MACROD2: variants seen among roughly 807,000 people sequenced by gnomAD.
MACROD2 encodes mono-ADP ribosylhydrolase 2.
A neutral mutation model predicts 70.4 loss-of-function variants in MACROD2; 36 were observed. The observed-to-expected ratio is 0.51, with a 90% CI of 0.39 to 0.68. The LOEUF is 0.68. Ranked by LOEUF, MACROD2 falls within the 30% of genes least tolerant of loss-of-function variation. The probability of loss-of-function intolerance (pLI) is 0.00; values close to 1 mark genes in which losing one functional copy is unlikely to be tolerated. For synonymous variants in MACROD2, 172 were observed against 178.8 expected (o/e 0.96, Z 0.30); for missense variants, 496 against 538.4 (o/e 0.92, Z 0.78).
intron 8 of MACROD2, among the ~76,000 whole-genome samples, chr20:15,532,345 TG>T (rs980478531): frequency 1.6e-4 from 25 of 152,164 alleles, no homozygotes; most frequent in African/African-American, 5.3e-4. Flanking sequence ...CCTAGCAGAA[TG>T]TGATATGTTA....
rs150954535 is a variant in MACROD2 at position 14,840,981 on chromosome 20, G to A, written c.418+156022G>A. On this transcript the variant is annotated intron_variant, in intron 5 of 17. Coordinates refer to ENST00000684519, the MANE Select transcript of MACROD2 (RefSeq NM_001351661.2). Reference sequence around the variant, plus strand: ...TTTTACTGTATGACGTGAAACGAGTGTTATTATTTCAAAAAATGTATTTGT... The same window carrying A: ...TTTTACTGTATGACGTGAAACGAGTATTATTATTTCAAAAAATGTATTTGT... Among the ~76,000 whole-genome samples, 87 of 152,192 alleles carry A rather than the reference G, an allele frequency of 5.7e-4. 2 individuals carry two copies. In the East Asian group the frequency reaches 0.014, roughly 25 times the overall value.
intron 6 of MACROD2, among the ~76,000 whole-genome samples, chr20:15,319,902 T>G (rs1164316063): frequency 6.6e-6 from 1 of 152,198 alleles, no homozygotes; most frequent in East Asian, 1.9e-4. Flanking sequence ...ATATCTAGAA[T>G]TGGTAAATCC....
At chr20:16,030,313 T>C (rs142958226) in intron 15 of MACROD2, among the ~76,000 whole-genome samples, 1 of 152,250 alleles carries the variant, frequency 6.6e-6, no homozygotes, top group East Asian at 1.9e-4. Flanking sequence ...TGTGGCTGCT[T>C]TACCCCTCCC....
chr20:14,880,371 C>A (rs1032241939), intron 5 of MACROD2, among the ~76,000 whole-genome samples: 7 of 152,200 alleles, frequency 4.6e-5, no homozygotes, highest in African/African-American at 1.7e-4. Flanking sequence ...TTCTCAACTT[C>A]CATGGAGGCA....
At chr20:15,666,429 G>A (rs570294232) in intron 8 of MACROD2, among the ~76,000 whole-genome samples, 178 of 152,168 alleles carry the variant, frequency 1.2e-3, no homozygotes, top group African/African-American at 4.0e-3. Flanking sequence ...TTATTGTCAG[G>A]ATACTTTTCT....
chr20:14,824,356 A>G (rs963477137), intron 5 of MACROD2, among the ~76,000 whole-genome samples: 1 of 152,070 alleles, frequency 6.6e-6, no homozygotes, highest in Non-Finnish European at 1.5e-5. Context: ...GTCTGTTGCT[A>G]AAAAATCATC....
At chr20:15,587,663 G>A (rs1330172592) in intron 8 of MACROD2, among the ~76,000 whole-genome samples, 1 of 152,124 alleles carries the variant, frequency 6.6e-6, no homozygotes, top group Non-Finnish European at 1.5e-5. Flanking sequence ...AAATAAAGGG[G>A]ATACAGGGCC....
chr20:14,327,137 G>A, intron 3 of MACROD2: 1 of 1,613,772 alleles, frequency 6.2e-7, no homozygotes, highest in Non-Finnish European at 8.5e-7. Flanking sequence ...ATTTTTGAAA[G>A]TGAATCATAA....
At chr20:15,634,712 A>G (rs959158551) in intron 8 of MACROD2, among the ~76,000 whole-genome samples, 10 of 152,184 alleles carry the variant, frequency 6.6e-5, no homozygotes, top group African/African-American at 2.4e-4. Flanking sequence ...TGTGTCGGAT[A>G]TTGTCAGTTA....
At chr20:15,752,307 T>C (rs1168696950) in intron 8 of MACROD2, among the ~76,000 whole-genome samples, 3 of 152,170 alleles carry the variant, frequency 2.0e-5, no homozygotes, top group African/African-American at 7.2e-5. Flanking sequence ...TTATTATTAT[T>C]ATTATTATTT....
intron 6 of MACROD2, among the ~76,000 whole-genome samples, chr20:15,376,565 C>T (rs1349654784): frequency 6.6e-6 from 1 of 152,106 alleles, no homozygotes; most frequent in Non-Finnish European, 1.5e-5. Flanking sequence ...AGTCTTATTC[C>T]ATATTATTAC....
At chr20:14,444,314 T>A (rs2084159675) in intron 3 of MACROD2, among the ~76,000 whole-genome samples, 2 of 152,150 alleles carry the variant, frequency 1.3e-5, no homozygotes, top group African/African-American at 4.8e-5. Flanking sequence ...TGGTTACTTC[T>A]GAGTCCTCAT....
At chr20:14,140,820 C>T (rs1000683594) in intron 3 of MACROD2, among the ~76,000 whole-genome samples, 3 of 152,016 alleles carry the variant, frequency 2.0e-5, no homozygotes, top group Non-Finnish European at 2.9e-5. Context: ...TGGTATCGGC[C>T]GAGAGAGAGG....
chr20:15,051,993 C>T (rs765799697), intron 5 of MACROD2, among the ~76,000 whole-genome samples: 2 of 152,076 alleles, frequency 1.3e-5, no homozygotes, highest in African/African-American at 2.4e-5. Flanking sequence ...CCTTGTGATC[C>T]GCCCGTCCCG....
intron 5 of MACROD2, among the ~76,000 whole-genome samples, chr20:14,967,206 G>GTTTT (rs1815981890): frequency 6.6e-6 from 1 of 152,020 alleles, no homozygotes; most frequent in Admixed American, 6.6e-5. Context: ...TTGTTTGTTT[G>GTTTT]TTTTGAGACG....
intron 6 of MACROD2, among the ~76,000 whole-genome samples, chr20:15,354,855 T>A (rs1361122204): frequency 6.6e-6 from 1 of 152,188 alleles, no homozygotes; most frequent in Non-Finnish European, 1.5e-5. Context: ...ATGGAGAATA[T>A]AAAGTTGTAT....
intron 5 of MACROD2, chr20:14,850,587 A>G (rs879424406): frequency 2.6e-5 from 4 of 152,194 alleles, no homozygotes; most frequent in Non-Finnish European, 5.9e-5. Context: ...CTCCCTAATG[A>G]AAGAGAGATG....
intron 4 of MACROD2, among the ~76,000 whole-genome samples, chr20:14,638,361 G>A (rs1455978193): frequency 6.6e-6 from 1 of 151,892 alleles, no homozygotes; most frequent in Non-Finnish European, 1.5e-5. Flanking sequence ...ACAGTCCTGG[G>A]ATTTTTTTTT....
intron 17 of MACROD2, among the ~76,000 whole-genome samples, chr20:16,046,536 CAT>C (rs2067384205): frequency 1.3e-5 from 2 of 152,060 alleles, no homozygotes; most frequent in Non-Finnish European, 1.5e-5. Flanking sequence ...TTCTTACAGA[CAT>C]TATTTCTTTC....
Sources: allele counts gnomAD v4.1 joint callset (sites outside exome capture counted in the v4.1 genomes callset), GRCh38; gene constraint gnomAD v4.1.1; transcripts MANE v1.5; gene names NCBI Gene and HGNC (gene_info 2026-07-23, HGNC 2026-07-21).